Variants in CLCN2 observed in about 807,000 individuals in gnomAD.
CLCN2 encodes chloride channel protein 2.
A neutral mutation model predicts 108.3 loss-of-function variants in CLCN2; 72 were observed. The ratio of observed to expected loss-of-function variants is 0.66; its 90% CI spans 0.55 to 0.81. CLCN2 has a LOEUF of 0.81. Ranked by LOEUF, CLCN2 falls within the 30% of genes least tolerant of loss-of-function variation. CLCN2 has a pLI of 0.00. For synonymous variants in CLCN2, 471 were observed against 467.1 expected (o/e 1.01, Z -0.11); for missense variants, 1,048 against 1,205.2 (o/e 0.87, Z 1.93).
intron 22 of CLCN2, chr3:184,347,296 A>G: frequency 2.0e-6 from 1 of 500,696 alleles, no homozygotes; most frequent in East Asian, 3.8e-5. Context: ...GTCCCATGTT[A>G]GAAAGGGGGA....
intron 22 of CLCN2, chr3:184,347,486 CCA>C: frequency 3.4e-6 from 1 of 295,118 alleles, no homozygotes; most frequent in Non-Finnish European, 6.6e-6. Context: ...CTGTGCAGCC[CCA>C]GTCACTTTTC....
At chr3:184,352,593 C>T (rs570757309) in intron 19 of CLCN2, 97 bp from the exon 20 acceptor site, 52 of 1,455,464 alleles carry the variant, frequency 3.6e-5, no homozygotes, top group Middle Eastern at 1.7e-4. Context: ...GGAAAGGGCA[C>T]GCCACAGGAC....
rs753769425 is a variant in CLCN2, at chr3:184,357,273, G to A, written c.899-7C>T. The stretch of plus-strand genomic sequence containing the variant: ...AAGAGGGCTGTAATAGTCTCTAAAG[G>A]GAAGAACAGCAGAGGGAGGCAGGCC... On this transcript the variant is annotated splice_region_variant and splice_polypyrimidine_tract_variant and intron_variant, in intron 8 of 23. Transcript: ENST00000265593. 5 of 1,613,982 alleles carry A rather than the reference G, an allele frequency of 3.1e-6. No individual in the cohort carries two copies. Among genetic ancestry groups the A allele is most frequent in the Non-Finnish European group, 4.2e-6 (5 of 1,179,988 alleles).
rs1235443168 is a variant in CLCN2, at chr3:184,346,477, T to G, written c.*129A>C. 2.8e-6 allele frequency: 3 copies of G among 1,054,460 alleles called. No homozygotes were observed. Among genetic ancestry groups the G allele is most frequent in the Non-Finnish European group, 4.3e-6 (3 of 703,800 alleles). 65.3% of individuals were successfully genotyped at this position (1,054,460 alleles called of 1,614,324 possible). Reference sequence around the variant, plus strand: ...AACTGGGAGAAGCTGGCACCCCAGGTCTGGAGGGGGCTGGGGTGCAGCCTC... The same window carrying G: ...AACTGGGAGAAGCTGGCACCCCAGGGCTGGAGGGGGCTGGGGTGCAGCCTC... On this transcript the variant is annotated 3_prime_UTR_variant, in exon 24 of 24. Coordinates refer to ENST00000265593, the MANE Select transcript of CLCN2 (RefSeq NM_004366.6). The surrounding 1 kb of genome is among the most constrained non-coding windows in gnomAD (Gnocchi z 6.0).
At position 184,358,998 on chromosome 3, in the gene CLCN2, C is replaced by T. The variant is rs755883734; in HGVS notation, c.197G>A (p.Arg66Gln). ...ACCGCGGCATCGGGCGCAACGGCTC[C>T]GTCCATATTCCAAGAGCTCTGGGGC... ...RAAPELLEYGRSRCARCRVCS... is the reference protein window; with the variant it reads ...RAAPELLEYGQSRCARCRVCS... Residue 66 changes from arginine (R) to glutamine (Q), a missense_variant, in exon 2 of 24, where the codon CGG (arginine) becomes CAG (glutamine). Physicochemically the swap from Arg to Gln is conservative, Grantham distance 43. Coordinates refer to ENST00000265593, the MANE Select transcript of CLCN2 (RefSeq NM_004366.6). 22 of 1,613,510 alleles carry T rather than the reference C, an allele frequency of 1.4e-5. No individual in the cohort carries two copies. Among genetic ancestry groups the T allele is most frequent in the African/African-American group, 8.0e-5 (6 of 74,948 alleles).
intron 22 of CLCN2, chr3:184,347,606 C>T (rs1172847100): frequency 5.8e-6 from 1 of 173,612 alleles, no homozygotes; most frequent in African/African-American, 2.4e-5. Context: ...AATCCTATGC[C>T]TCTCGTTCCA....
In CLCN2 at chr3:184,358,405, AC is replaced by A; in HGVS notation, c.353-96del. On this transcript the variant is annotated intron_variant, in intron 3 of 23. Transcript: ENST00000265593. Reference sequence around the variant, plus strand: ...GATACGACAGGCTGTCCCAGGGAGTACCACACAGAGTCAGGGCATGGGTGAA... The same window carrying A: ...GATACGACAGGCTGTCCCAGGGAGTACACACAGAGTCAGGGCATGGGTGAA... 3 of 1,562,558 alleles carry A rather than the reference AC, an allele frequency of 1.9e-6. No homozygotes were observed. The East Asian group carries it at 6.7e-5, about 35-fold the overall frequency.
rs1711550900 is a variant in CLCN2, at chr3:184,358,323, G to C, written c.353-13C>G. 6.2e-7 allele frequency: 1 copy of C among 1,613,152 alleles called. No homozygotes were observed. Among genetic ancestry groups the C allele is most frequent in the African/African-American group, 1.3e-5 (1 of 74,910 alleles). On this transcript the variant is annotated splice_polypyrimidine_tract_variant and intron_variant, in intron 3 of 23. Transcript: ENST00000265593. ...ATCCACTGCTGGGCTGTGGGAAGAG[G>C]ACCTGCTGGACCCCCAGTGCACACA...
intron 21 of CLCN2, 65 bp downstream of exon 21, chr3:184,352,228 G>A: frequency 3.1e-6 from 5 of 1,608,784 alleles, no homozygotes; most frequent in Non-Finnish European, 3.4e-6. Flanking sequence ...CATGGGGACA[G>A]CAGCCAACAT....
At position 184,352,790 on chromosome 3, in the gene CLCN2, T is replaced by C; in HGVS notation, c.2164A>G (p.Ile722Val). The change falls in exon 19 of 24, where the codon ATC becomes GTC. Residue 722 changes from isoleucine to valine, a missense_variant. Ile to Val is a conservative substitution (Grantham distance 29, BLOSUM62 3). Coordinates refer to ENST00000265593, the MANE Select transcript of CLCN2 (RefSeq NM_004366.6). ...SPTGSAESAG[I>V]ALRSLFCGSP... ...CCACAGAAGAGGCTCCGGAGGGCGA[T>C]GCCTGCCGACTCTGCGCTCCCTGTG... The C allele has an allele frequency of 1.2e-6, 2 of 1,613,214 alleles. No homozygotes were observed. The highest frequency in any genetic ancestry group is 1.7e-6 in the Non-Finnish European group (2 of 1,180,002).
intron 13 of CLCN2, 59 bp downstream of exon 13, chr3:184,354,845 G>T: frequency 1.3e-6 from 2 of 1,566,264 alleles, no homozygotes; most frequent in Admixed American, 3.3e-5. Flanking sequence ...GGTTGGCTGG[G>T]GGGGTGGCCA....
chr3:184,347,031 G>A lies in CLCN2; in HGVS notation c.2416-10C>T, dbSNP rs1398702662. Reference sequence around the variant, plus strand: ...AGAAGATAGTGTGAGTCTGCAGTGTGGGGAGAAAAGCGATTGGACTTGATG... The same window carrying A: ...AGAAGATAGTGTGAGTCTGCAGTGTAGGGAGAAAAGCGATTGGACTTGATG... On this transcript the variant is annotated splice_polypyrimidine_tract_variant and intron_variant, in intron 22 of 23. Transcript: ENST00000265593. 6.8e-6 allele frequency: 11 copies of A among 1,610,634 alleles called. No individual in the cohort carries two copies. The South Asian group carries it at 9.9e-5, about 14-fold the overall frequency.
chr3:184,361,286 C>T lies in CLCN2; in HGVS notation c.63+131G>A. 9.8e-7 allele frequency: 1 copy of T among 1,024,062 alleles called. No homozygotes were observed. Among genetic ancestry groups the T allele is most frequent in the Non-Finnish European group, 1.5e-6 (1 of 658,980 alleles). 63.4% of individuals were successfully genotyped at this position (1,024,062 alleles called of 1,614,324 possible). ...CTTCGGCCCTGCAGCCTCAGACTTC[C>T]AAGCCTCAGTTTCCCCAGCTCAAAA... On this transcript the variant is annotated intron_variant, in intron 1 of 23. Transcript: ENST00000265593. This position sits in a 1 kb window ranked among gnomAD's most constrained non-coding sequence, Gnocchi z 6.6.
Position 184,357,404 on chromosome 3 carries a change from C to T in CLCN2, c.856G>A (p.Ala286Thr). 1 of 1,614,088 alleles carries T rather than the reference C, an allele frequency of 6.2e-7. No individual in the cohort carries two copies. Among genetic ancestry groups the T allele is most frequent in the Non-Finnish European group, 8.5e-7 (1 of 1,180,020 alleles). ...ACTGCCAAGACCCGGAAGATGAAGG[C>T]ACTGAAGGTGGCAGCGAAGAAGCCC... ...WRGFFAATFSAFIFRVLAVWN... is the reference protein window; with the variant it reads ...WRGFFAATFSTFIFRVLAVWN... Residue 286 changes from alanine to threonine, a missense_variant, in exon 8 of 24, where the codon GCC (alanine) becomes ACC (threonine). Physicochemically the swap from Ala to Thr is moderately conservative, Grantham distance 58. Coordinates refer to ENST00000265593, the MANE Select transcript of CLCN2 (RefSeq NM_004366.6).
At position 184,354,245 on chromosome 3, in the gene CLCN2, C is replaced by T. The variant is rs1244554021; in HGVS notation, c.1577G>A (p.Gly526Asp). Reference sequence around the variant, plus strand: ...GACAGGCAGGATGTGGGCAATCTGGCCTGTGAGCTCGAACACGATCACAGC... The same window carrying T: ...GACAGGCAGGATGTGGGCAATCTGGTCTGTGAGCTCGAACACGATCACAGC... ...STAVIVFELT[G>D]QIAHILPVMI... The change falls in exon 15 of 24, where the codon GGC becomes GAC. Residue 526 changes from glycine (G) to aspartate (D), a missense_variant. Gly to Asp is a moderately conservative substitution (Grantham distance 94). Coordinates refer to ENST00000265593, the MANE Select transcript of CLCN2 (RefSeq NM_004366.6). 1 of 1,613,106 alleles carries T rather than the reference C, an allele frequency of 6.2e-7. No individual in the cohort carries two copies. Among genetic ancestry groups the T allele is most frequent in the South Asian group, 1.1e-5 (1 of 91,058 alleles).
chr3:184,358,467 C>T (rs976393176), intron 3 of CLCN2, 157 bp from the exon 4 acceptor site: 13 of 1,191,058 alleles, frequency 1.1e-5, no homozygotes, highest in Admixed American at 3.8e-5. Flanking sequence ...TGGGACAAAG[C>T]GCAATCTAGG....
chr3:184,351,970 C>A lies in CLCN2; in HGVS notation c.2415+43G>T, dbSNP rs1261447797. 2.8e-6 allele frequency: 4 copies of A among 1,420,318 alleles called. No homozygotes were observed. In the Admixed American group the frequency reaches 6.7e-5, roughly 24 times the overall value. 88.0% of individuals were successfully genotyped at this position (1,420,318 alleles called of 1,614,324 possible). Reference sequence around the variant, plus strand: ...AGGGGGACCAAGATCCCCACTGTGTCCTGAGAGCCTAGACCAGCCCTGGGC... The same window carrying A: ...AGGGGGACCAAGATCCCCACTGTGTACTGAGAGCCTAGACCAGCCCTGGGC... On this transcript the variant is annotated intron_variant, in intron 22 of 23. Coordinates refer to ENST00000265593, the MANE Select transcript of CLCN2 (RefSeq NM_004366.6).
Position 184,346,427 on chromosome 3 carries a change from A to AGTG in CLCN2, c.*176_*178dup. The AGTG allele has an allele frequency of 1.5e-6, 1 of 686,096 alleles. No homozygotes were observed. Among genetic ancestry groups the AGTG allele is most frequent in the South Asian group, 1.7e-5 (1 of 60,584 alleles). The allele number at this position is 686,096 out of a possible 1,614,324, so 42.5% of individuals were successfully genotyped here. A position where few individuals can be genotyped will look rare whatever the true frequency, so the allele number is the denominator to read the frequency against. On this transcript the variant is annotated 3_prime_UTR_variant, in exon 24 of 24. Transcript: ENST00000265593. This position sits in a 1 kb window ranked among gnomAD's most constrained non-coding sequence, Gnocchi z 6.0. ...TCTGGAAGACTTGTTGCAGGTGGGT[A>AGTG]GTGGGTCAGATTCCAGGTAGGATGA... is the stretch of plus-strand genomic sequence containing the variant.
chr3:184,347,933 CG>C (rs1227450711), intron 22 of CLCN2: 2 of 152,212 alleles, frequency 1.3e-5, no homozygotes, highest in Non-Finnish European at 2.9e-5. Flanking sequence ...TCTTGAAAAA[CG>C]CTCTCCTGAC....
Sources: gnomAD v4.1 joint callset for allele counts on GRCh38, gnomAD v4.1.1 for gene constraint, Gnocchi (gnomAD v3.1) non-coding constraint, MANE v1.5 for transcripts, NCBI Gene and HGNC (gene_info 2026-07-23, HGNC 2026-07-21) for gene names.